The following KAT6B variants were observed in gnomAD, a reference collection of about 807,000 sequenced individuals.
The protein encoded by KAT6B is histone acetyltransferase KAT6B.
A neutral mutation model predicts 187.5 loss-of-function variants in KAT6B; 10 were observed. The observed-to-expected ratio is 0.05, with a 90% confidence interval of 0.03 to 0.09. KAT6B has a LOEUF of 0.09. KAT6B is among the 10% of genes least tolerant of loss of function. The pLI is 1.00. For missense variants in KAT6B, 1,952 were observed against 2,558.9 expected, an observed-to-expected ratio of 0.76 and a Z score of 5.12; for synonymous variants, 861 against 926.8, an observed-to-expected ratio of 0.93 and a Z score of 1.29.
chr10:74,919,034 A>G (rs1441701213), intron 3 of KAT6B, among the ~76,000 whole-genome samples: 1 of 151,860 alleles, frequency 6.6e-6, no homozygotes, highest in East Asian at 2.0e-4. Flanking sequence ...CCTGGACAAC[A>G]TAGCAAAACC....
chr10:74,874,269 A>T (rs1358459872), intron 3 of KAT6B, among the ~76,000 whole-genome samples: 1 of 152,190 alleles, frequency 6.6e-6, no homozygotes. Flanking sequence ...GCAAAAGACA[A>T]ATTCACTTGG....
At chr10:74,974,077 C>A (rs139067482) in intron 7 of KAT6B, among the ~76,000 whole-genome samples, 1 of 152,274 alleles carries the variant, frequency 6.6e-6, no homozygotes, top group East Asian at 1.9e-4. Flanking sequence ...CAGATACAAT[C>A]CAAATGCAGC....
chr10:74,968,425 G>A (rs1447232224), intron 4 of KAT6B, among the ~76,000 whole-genome samples: 1 of 151,612 alleles, frequency 6.6e-6, no homozygotes, highest in East Asian at 1.9e-4. Flanking sequence ...TTTTATTAAC[G>A]GTATTGGTGA....
intron 13 of KAT6B, among the ~76,000 whole-genome samples, chr10:74,995,884 T>C (rs539305666): frequency 1.6e-4 from 24 of 152,216 alleles, no homozygotes; most frequent in Non-Finnish European, 2.8e-4. Context: ...GGCTAGGTAA[T>C]AAGTGAGCAG....
intron 3 of KAT6B, among the ~76,000 whole-genome samples, chr10:74,853,203 C>G (rs1044287568): frequency 2.7e-5 from 4 of 150,562 alleles, no homozygotes; most frequent in African/African-American, 4.9e-5. Flanking sequence ...CAGCCTCGAC[C>G]TCCCGGGCTC....
At chr10:74,895,132 A>G (rs1167687915) in intron 3 of KAT6B, among the ~76,000 whole-genome samples, 1 of 150,844 alleles carries the variant, frequency 6.6e-6, no homozygotes. Flanking sequence ...GCATTTCTCT[A>G]ATGATTAGTG....
intron 13 of KAT6B, among the ~76,000 whole-genome samples, chr10:75,001,932 A>T (rs1331940591): frequency 6.6e-6 from 1 of 152,156 alleles, no homozygotes; most frequent in Non-Finnish European, 1.5e-5. Context: ...GTATCAGGGC[A>T]CATGGCTTAC....
At chr10:74,977,194 A>G in intron 8 of KAT6B, 122 bp from the exon 9 acceptor site, 1 of 975,522 alleles carries the variant, frequency 1.0e-6, no homozygotes, top group Middle Eastern at 2.8e-4. Flanking sequence ...AAGCTTATTT[A>G]TAAAGCTTTA....
intron 1 of KAT6B, among the ~76,000 whole-genome samples, chr10:74,832,969 A>C (rs554864276): frequency 1.3e-5 from 2 of 151,856 alleles, no homozygotes; most frequent in East Asian, 2.0e-4. Context: ...CTAAAAATAA[A>C]AACAACAACA....
intron 3 of KAT6B, among the ~76,000 whole-genome samples, chr10:74,954,509 G>A (rs1840537567): frequency 6.6e-6 from 1 of 151,906 alleles, no homozygotes; most frequent in Admixed American, 6.6e-5. Context: ...TTCCATTGCT[G>A]GACAGCTGTT....
chr10:74,905,940 C>G (rs1017450669), intron 3 of KAT6B, among the ~76,000 whole-genome samples: 1 of 152,128 alleles, frequency 6.6e-6, no homozygotes, highest in East Asian at 1.9e-4. Flanking sequence ...GCCCTTCTCA[C>G]ATTTCGGCTG....
intron 10 of KAT6B, 60 bp downstream of exon 10, chr10:74,979,399 T>C (rs1188772934): frequency 8.4e-7 from 1 of 1,192,328 alleles, no homozygotes; most frequent in African/African-American, 1.5e-5. Flanking sequence ...GAAAGGAAAA[T>C]TCTTGATTCT....
intron 3 of KAT6B, among the ~76,000 whole-genome samples, chr10:74,938,679 C>G (rs2133256355): frequency 6.6e-6 from 1 of 152,204 alleles, no homozygotes; most frequent in South Asian, 2.1e-4. Flanking sequence ...AATGATCTGT[C>G]AAACATACAT....
At chr10:74,825,133 C>A (rs1358720479), upstream of KAT6B, among the ~76,000 whole-genome samples, 1 of 152,338 alleles carries the variant, frequency 6.6e-6, no homozygotes, top group East Asian at 1.9e-4. The surrounding 1 kb of genome is among the most constrained non-coding windows in gnomAD (Gnocchi z 5.0). Flanking sequence ...CGTCCCCCAC[C>A]CCAAAACTGC....
chr10:74,844,983 A>G lies in KAT6B; in HGVS notation c.621+1505A>G, dbSNP rs556621812. ...TGTAGTCCCAGCACCTTGGGAGGCC[A>G]GGGTGGGAGGATCACTTGAGCCCAG... On this transcript the variant is annotated intron_variant, in intron 3 of 17. Coordinates refer to ENST00000287239, the MANE Select transcript of KAT6B (RefSeq NM_012330.4). 1.0e-3 allele frequency among the ~76,000 whole-genome samples: 155 copies of G among 150,424 alleles called. 1 individual carries two copies. Among genetic ancestry groups the G allele is most frequent in the African/African-American group, 3.6e-3 (147 of 40,930 alleles).
chr10:74,975,760 A>G lies in KAT6B; in HGVS notation c.1423A>G (p.Thr475Ala), dbSNP rs1842114799. ...RKKVSQKQSCTSHVLATGTTQ... is the reference protein window; with the variant it reads ...RKKVSQKQSCASHVLATGTTQ... ...AAAGGTCTCTCAGAAACAGTCATGC[A>G]CTTCTCATGTGTTGGCTACAGGTAC... The change falls in exon 8 of 18, where the codon ACT (threonine) becomes GCT (alanine). Residue 475 changes from threonine to alanine, a missense_variant. Coordinates refer to ENST00000287239, the MANE Select transcript of KAT6B (RefSeq NM_012330.4). The G allele has an allele frequency of 1.2e-6, 2 of 1,614,036 alleles. No individual in the cohort carries two copies. Among genetic ancestry groups the G allele is most frequent in the Non-Finnish European group, 1.7e-6 (2 of 1,180,042 alleles).
chr10:74,833,607 A>G (rs1187227305), intron 1 of KAT6B, among the ~76,000 whole-genome samples: 2 of 152,260 alleles, frequency 1.3e-5, no homozygotes, highest in Admixed American at 6.5e-5. Context: ...TATGGAAACC[A>G]TAATAGTTTA....
intron 13 of KAT6B, among the ~76,000 whole-genome samples, chr10:74,991,096 C>T (rs762893093): frequency 6.6e-6 from 1 of 152,156 alleles, no homozygotes; most frequent in Non-Finnish European, 1.5e-5. Context: ...AATTTTATCT[C>T]ATACCTTTAT....
intron 1 of KAT6B, among the ~76,000 whole-genome samples, chr10:74,831,110 G>A (rs12249763): frequency 0.023 from 3,524 of 151,954 alleles, 140 homozygotes; most frequent in African/African-American, 0.08. Context: ...TACTTTTTTA[G>A]CCATTTAGAT....
Sources: allele counts gnomAD v4.1 joint callset (sites outside exome capture counted in the v4.1 genomes callset), GRCh38; gene constraint gnomAD v4.1.1; non-coding constraint Gnocchi (gnomAD v3.1); transcripts MANE v1.5; gene names NCBI Gene and HGNC (gene_info 2026-07-23, HGNC 2026-07-21).